The following C14orf39 variants were observed in gnomAD, a reference collection of about 807,000 sequenced individuals.
The protein encoded by C14orf39 is protein SIX6OS1.
A neutral mutation model predicts 85.6 loss-of-function variants in C14orf39; 66 were observed. The ratio of observed to expected loss-of-function variants is 0.77; its 90% CI spans 0.63 to 0.95. The LOEUF (loss-of-function observed/expected upper bound fraction) is 0.95, where lower values mean the gene tolerates loss of function less well. Ranked by LOEUF, C14orf39 falls within the 40% of genes least tolerant of loss-of-function variation. The pLI is 0.00. For missense variants in C14orf39, 735 were observed against 663.9 expected (o/e 1.11, Z -1.18); for synonymous variants, 242 against 214.0 (o/e 1.13, Z -1.14).
chr14:60,471,594 C>T lies in C14orf39; in HGVS notation c.469G>A (p.Glu157Lys). 1 of 1,604,090 alleles carries T rather than the reference C, an allele frequency of 6.2e-7. No individual in the cohort carries two copies. The highest frequency in any genetic ancestry group is 8.5e-7 in the Non-Finnish European group (1 of 1,176,562). ...EIQSRVLACT[E>K]QLKMNETIFM... The stretch of plus-strand genomic sequence containing the variant: ...ATTGTTTCATTCATTTTTAATTGTT[C>T]AGTACATGCCAACACTCTGCTTTGA... Residue 157 changes from glutamate to lysine, a missense_variant, in exon 6 of 18, where the codon GAA becomes AAA. Physicochemically the swap from Glu to Lys is moderately conservative, Grantham distance 56 (BLOSUM62 1). Coordinates refer to ENST00000321731, the MANE Select transcript of C14orf39 (RefSeq NM_174978.3).
At chr14:60,478,421 C>G in intron 4 of C14orf39, 32 bp from the exon 5 acceptor site, 1 of 1,160,526 alleles carries the variant, frequency 8.6e-7, no homozygotes, top group Non-Finnish European at 1.2e-6. Flanking sequence ...TAATTAGCAA[C>G]TCAGAATGAT....
At chr14:60,454,930 T>A in intron 16 of C14orf39, 71 bp downstream of exon 16, 1 of 1,242,920 alleles carries the variant, frequency 8.0e-7, no homozygotes, top group Non-Finnish European at 1.1e-6. Context: ...AGTTTTGTAT[T>A]AAAGAACTAA....
At chr14:60,509,100 T>C (rs1481258112) in intron 1 of C14orf39, 4 of 464,188 alleles carry the variant, frequency 8.6e-6, no homozygotes, top group Non-Finnish European at 1.6e-5. Flanking sequence ...ACCCGGTGAC[T>C]GACAGGGGGT....
intron 7 of C14orf39, among the ~76,000 whole-genome samples, chr14:60,470,579 T>C (rs939665495): frequency 1.3e-5 from 2 of 152,052 alleles, no homozygotes; most frequent in Non-Finnish European, 2.9e-5. Context: ...TCCAACTCCC[T>C]AAACCCTTGC....
At chr14:60,446,168 C>T (rs754224503) in intron 16 of C14orf39, among the ~76,000 whole-genome samples, 5 of 151,986 alleles carry the variant, frequency 3.3e-5, no homozygotes, top group Non-Finnish European at 5.9e-5. Context: ...GGAGCAAGAG[C>T]AAAGAAATTC....
intron 15 of C14orf39, among the ~76,000 whole-genome samples, chr14:60,456,192 T>C (rs1435351262): frequency 6.6e-6 from 1 of 152,088 alleles, no homozygotes; most frequent in African/African-American, 2.4e-5. Context: ...TTAAGGAAGA[T>C]AATGGACTAA....
chr14:60,477,204 T>C (rs1427272693), intron 5 of C14orf39, among the ~76,000 whole-genome samples: 1 of 152,206 alleles, frequency 6.6e-6, no homozygotes, highest in Non-Finnish European at 1.5e-5. Context: ...GATGGCGTAC[T>C]CCAGCTTTCT....
chr14:60,451,370 C>T (rs1891027154), intron 16 of C14orf39, among the ~76,000 whole-genome samples: 2 of 152,154 alleles, frequency 1.3e-5, no homozygotes, highest in African/African-American at 4.8e-5. Flanking sequence ...AATCATGCTA[C>T]TATAAAGACA....
At position 60,461,574 on chromosome 14, in the gene C14orf39, AC is replaced by A. The variant is rs775725999; in HGVS notation, c.991del (p.Val331TrpfsTer25). The A allele has an allele frequency of 1.3e-6, 2 of 1,564,696 alleles. No individual in the cohort carries two copies. Among genetic ancestry groups the A allele is most frequent in the South Asian group, 2.5e-5 (2 of 81,246 alleles). On this transcript the variant is annotated frameshift_variant, in exon 12 of 18. Transcript: ENST00000321731. LOFTEE classifies it high-confidence loss of function. Reference protein sequence around the residue: ...NDTQIFNDSAVDNHSKCSHIT... With the variant: ...NDTQIFNDSAXDNHSKCSHIT... ...ATGTGAACATTTTGAATGGTTATCC[AC>A]AGCAGAGTCATTAAATATCTGAAAG...
rs372844866 is a variant in C14orf39 at position 60,461,536 on chromosome 14, T to C, written c.1030A>G (p.Thr344Ala). ...HSKCSHITTITSSQKFMQVRL... is the reference protein window; with the variant it reads ...HSKCSHITTIASSQKFMQVRL... ...ACTTGCATAAACTTTTGTGAACTTG[T>C]GATAGTCGTAATATGTGAACATTTT... Residue 344 changes from threonine (T) to alanine (A), a missense_variant, in exon 12 of 18, where the codon ACA (threonine) becomes GCA (alanine). By Grantham distance (58) the Thr-to-Ala change is moderately conservative. Coordinates refer to ENST00000321731, the MANE Select transcript of C14orf39 (RefSeq NM_174978.3). 19 of 1,592,088 alleles carry C rather than the reference T, an allele frequency of 1.2e-5. 1 individual carries two copies. Among genetic ancestry groups the C allele is most frequent in the Admixed American group, 7.2e-5 (4 of 55,530 alleles).
chr14:60,445,143 T>C (rs1244465715), intron 16 of C14orf39, among the ~76,000 whole-genome samples: 2 of 152,208 alleles, frequency 1.3e-5, no homozygotes, highest in Non-Finnish European at 2.9e-5. Context: ...ATTGATGCTA[T>C]GAAGAAACTA....
chr14:60,440,215 T>G (rs976616013), intron 17 of C14orf39, among the ~76,000 whole-genome samples: 9 of 152,244 alleles, frequency 5.9e-5, no homozygotes, highest in African/African-American at 2.2e-4. Context: ...TCTCATTGAA[T>G]TCGAAATTCA....
At chr14:60,511,017 G>A (rs943858326) in intron 1 of C14orf39, 2 of 1,519,574 alleles carry the variant, frequency 1.3e-6, no homozygotes, top group Non-Finnish European at 9.0e-7. Context: ...GACGCAGGAG[G>A]TGGTGGGGGC....
rs1187535600 is a variant in C14orf39 at position 60,471,654 on chromosome 14, C to G, written c.409G>C (p.Glu137Gln). The stretch of plus-strand genomic sequence containing the variant: ...TGTTCTCTTTTCTTCTCATAATATT[C>G]ACGTGAAAAGGGTGTTTCTGAGTAT... ...LKYSETPFSR[E>Q]YYEKKREHEE... Residue 137 changes from glutamate (E) to glutamine (Q), a missense_variant, in exon 6 of 18, where the codon GAA becomes CAA. Physicochemically the swap from Glu to Gln is conservative, Grantham distance 29 (BLOSUM62 2). Coordinates refer to ENST00000321731, the MANE Select transcript of C14orf39 (RefSeq NM_174978.3). The G allele has an allele frequency of 1.2e-6, 2 of 1,610,244 alleles. No individual in the cohort carries two copies. The highest frequency in any genetic ancestry group is 2.7e-5 in the African/African-American group (2 of 74,702).
At chr14:60,500,913 C>T (rs1471234587) in intron 1 of C14orf39, among the ~76,000 whole-genome samples, 1 of 152,032 alleles carries the variant, frequency 6.6e-6, no homozygotes, top group Non-Finnish European at 1.5e-5. Flanking sequence ...AAACCTAGCA[C>T]TCCAGATGAG....
At chr14:60,502,547 C>T (rs928659161) in intron 1 of C14orf39, among the ~76,000 whole-genome samples, 5 of 152,134 alleles carry the variant, frequency 3.3e-5, no homozygotes, top group Admixed American at 2.0e-4. Flanking sequence ...TCACCAAAAC[C>T]AAGGCATAAC....
intron 16 of C14orf39, among the ~76,000 whole-genome samples, chr14:60,447,174 AAT>A (rs1352631387): frequency 6.6e-6 from 1 of 152,304 alleles, no homozygotes; most frequent in African/African-American, 2.4e-5. Context: ...ACTCCTGTTC[AAT>A]ATAGTGTTGG....
chr14:60,461,472 C>G, intron 12 of C14orf39, 36 bp downstream of exon 12: 1 of 1,569,194 alleles, frequency 6.4e-7, no homozygotes, highest in East Asian at 2.3e-5. Flanking sequence ...TAAATTATTT[C>G]AGAGATTAAA....
intron 1 of C14orf39, among the ~76,000 whole-genome samples, chr14:60,510,362 C>T (rs1023188586): frequency 6.6e-6 from 1 of 152,220 alleles, no homozygotes; most frequent in Non-Finnish European, 1.5e-5. Context: ...AGCAATGTGT[C>T]GGTTTCATGT....
Sources: gnomAD v4.1 joint callset for allele counts (sites outside exome capture counted in the v4.1 genomes callset) on GRCh38, gnomAD v4.1.1 for gene constraint, MANE v1.5 for transcripts, NCBI Gene and HGNC (gene_info 2026-07-23, HGNC 2026-07-21) for gene names.